Variants in SH3RF3 observed in about 807,000 individuals in gnomAD.
SH3RF3 encodes the protein SH3 domain containing ring finger 3.
A neutral mutation model predicts 66.3 loss-of-function variants in SH3RF3; 29 were observed. The ratio of observed to expected loss-of-function variants is 0.44; its 90% CI spans 0.33 to 0.60. SH3RF3 has a LOEUF of 0.60. Among genes scored for constraint, SH3RF3 ranks in the 20% least tolerant of loss-of-function variants. The pLI is 0.04. For missense variants in SH3RF3, 1,194 were observed against 1,190.9 expected (o/e 1.00, Z -0.04); for synonymous variants, 583 against 532.0 (o/e 1.10, Z -1.32).
In SH3RF3 at chr2:109,398,572, C is replaced by G. The variant is rs1285822717; in HGVS notation, c.946-18C>G. 6.5e-7 allele frequency: 1 copy of G among 1,533,248 alleles called. No homozygotes were observed. The highest frequency in any genetic ancestry group is 8.8e-7 in the Non-Finnish European group (1 of 1,138,964). The allele number at this position is 1,533,248 out of a possible 1,614,324, so 95.0% of individuals were successfully genotyped here. ...ACCATGATTTAATGCAGCCTCCCCT[C>G]TCCCCTTTCTCACTCAGCTCAATGA... On this transcript the variant is annotated intron_variant, in intron 3 of 9. Transcript: ENST00000309415.
At chr2:109,229,268 A>G (rs1679443487) in intron 1 of SH3RF3, among the ~76,000 whole-genome samples, 1 of 152,204 alleles carries the variant, frequency 6.6e-6, no homozygotes, top group African/African-American at 2.4e-5. Context: ...AGTGGTGAGT[A>G]GAGTATGAGG....
intron 1 of SH3RF3, among the ~76,000 whole-genome samples, chr2:109,320,635 C>T (rs1574571996): frequency 6.6e-6 from 1 of 152,182 alleles, no homozygotes; most frequent in South Asian, 2.1e-4. Context: ...TGCTGGATTC[C>T]AGCTCTATAA....
At chr2:109,478,393 C>G (rs1440429248) in intron 8 of SH3RF3, among the ~76,000 whole-genome samples, 4 of 152,196 alleles carry the variant, frequency 2.6e-5, no homozygotes, top group Non-Finnish European at 5.9e-5. Flanking sequence ...CAAGATGGGC[C>G]CTCCAGTCTC....
intron 8 of SH3RF3, 33 bp downstream of exon 8, chr2:109,449,522 C>G: frequency 6.2e-7 from 1 of 1,603,418 alleles, no homozygotes; most frequent in Non-Finnish European, 8.5e-7. Context: ...GCCCTGGGCT[C>G]GAGGCCAGCT....
intron 1 of SH3RF3, among the ~76,000 whole-genome samples, chr2:109,298,022 G>A (rs1478283003): frequency 6.6e-6 from 1 of 152,198 alleles, no homozygotes; most frequent in East Asian, 1.9e-4. Flanking sequence ...GCTGAGGCTG[G>A]TGTGTGGTGC....
intron 6 of SH3RF3, among the ~76,000 whole-genome samples, chr2:109,433,888 C>G (rs151274391): frequency 1.3e-5 from 2 of 152,226 alleles, no homozygotes; most frequent in African/African-American, 4.8e-5. Flanking sequence ...AAATGCACCC[C>G]CTCAAACCCA....
At chr2:109,488,881 C>T (rs941995562) in intron 8 of SH3RF3, among the ~76,000 whole-genome samples, 18 of 152,172 alleles carry the variant, frequency 1.2e-4, no homozygotes, top group Non-Finnish European at 1.8e-4. Flanking sequence ...GGAGATAGGC[C>T]GGGAGGCTGC....
chr2:109,413,747 A>G (rs1486549975), intron 4 of SH3RF3, among the ~76,000 whole-genome samples: 3 of 152,302 alleles, frequency 2.0e-5, no homozygotes, highest in East Asian at 3.9e-4. Flanking sequence ...GTAGGACCTG[A>G]GTTTGCAGAC....
chr2:109,170,725 T>TGGGCATTGACCATGTGCC (rs1677760577), intron 1 of SH3RF3, among the ~76,000 whole-genome samples: 1 of 152,178 alleles, frequency 6.6e-6, no homozygotes, highest in Non-Finnish European at 1.5e-5. Context: ...AAATATTTGT[T>TGGGCATTGACCATGTGCC]GGGCATTGAC....
intron 1 of SH3RF3, among the ~76,000 whole-genome samples, chr2:109,296,608 T>C (rs764108159): frequency 1.1e-4 from 16 of 152,218 alleles, no homozygotes; most frequent in Non-Finnish European, 1.8e-4. Flanking sequence ...CACCTGTGGC[T>C]TCTCAGGGAC....
intron 1 of SH3RF3, among the ~76,000 whole-genome samples, chr2:109,305,003 G>A (rs1681558073): frequency 6.6e-6 from 1 of 152,202 alleles, no homozygotes; most frequent in Non-Finnish European, 1.5e-5. Context: ...TGCCTCATTT[G>A]TCTGGATATC....
chr2:109,214,259 C>A (rs760014081), intron 1 of SH3RF3, among the ~76,000 whole-genome samples: 1 of 151,998 alleles, frequency 6.6e-6, no homozygotes, highest in Non-Finnish European at 1.5e-5. Context: ...TAAGATCACC[C>A]AAAGGGAGTG....
chr2:109,414,986 G>A (rs1024755586), intron 4 of SH3RF3, among the ~76,000 whole-genome samples: 3 of 152,312 alleles, frequency 2.0e-5, no homozygotes, highest in East Asian at 1.9e-4. Flanking sequence ...CTGGGCCACC[G>A]CAGCCACAAA....
At chr2:109,142,003 G>A (rs1266463020) in intron 1 of SH3RF3, among the ~76,000 whole-genome samples, 2 of 151,398 alleles carry the variant, frequency 1.3e-5, no homozygotes, top group Non-Finnish European at 2.9e-5. Flanking sequence ...ATCATTTCCA[G>A]CCCCCTGCCC....
chr2:109,422,326 C>A (rs1573238759), intron 5 of SH3RF3, among the ~76,000 whole-genome samples: 1 of 152,186 alleles, frequency 6.6e-6, no homozygotes. Flanking sequence ...CATTCCTGAT[C>A]TTCATGATTG....
intron 7 of SH3RF3, among the ~76,000 whole-genome samples, chr2:109,441,917 T>C (rs1233357276): frequency 6.6e-6 from 1 of 152,028 alleles, no homozygotes; most frequent in African/African-American, 2.4e-5. Context: ...AATATAGCTG[T>C]CAATCTAGTA....
At chr2:109,289,054 C>T (rs183350371) in intron 1 of SH3RF3, among the ~76,000 whole-genome samples, 106 of 152,250 alleles carry the variant, frequency 7.0e-4, no homozygotes, top group African/African-American at 2.4e-3. Context: ...TCAACTGTTC[C>T]TGGAATAGGT....
intron 1 of SH3RF3, among the ~76,000 whole-genome samples, chr2:109,139,554 T>G (rs1218741474): frequency 6.6e-6 from 1 of 152,036 alleles, no homozygotes; most frequent in East Asian, 1.9e-4. Flanking sequence ...GAAATCTGAG[T>G]TTTAAAAATT....
At chr2:109,422,168 A>T (rs1676899756) in intron 5 of SH3RF3, among the ~76,000 whole-genome samples, 1 of 152,212 alleles carries the variant, frequency 6.6e-6, no homozygotes, top group Admixed American at 6.5e-5. Flanking sequence ...TGAACATGAG[A>T]TGTGCTGTCG....
Sources: allele counts gnomAD v4.1 joint callset (sites outside exome capture counted in the v4.1 genomes callset), GRCh38; gene constraint gnomAD v4.1.1; transcripts MANE v1.5; gene names NCBI Gene and HGNC (gene_info 2026-07-23, HGNC 2026-07-21).